Variants in ZMYM1 observed in about 807,000 individuals in gnomAD.
ZMYM1 encodes zinc finger MYM-type containing 1, also known as zinc finger MYM-type protein 1.
In ZMYM1, 39 loss-of-function variants were observed where a neutral mutation model predicts 60.0. That is an observed-to-expected ratio of 0.65 (90% confidence interval 0.50 to 0.85). The LOEUF (loss-of-function observed/expected upper bound fraction) is 0.85, where lower values mean the gene tolerates loss of function less well. ZMYM1 is among the 40% of genes least tolerant of loss of function. The pLI, the probability that ZMYM1 is intolerant of heterozygous loss-of-function variation, is 0.00. For missense variants in ZMYM1, 1,171 were observed against 1,309.5 expected (o/e 0.89, Z 1.63); for synonymous variants, 413 against 454.0 (o/e 0.91, Z 1.15).
At chr1:35,090,095 A>G (rs1294386648) in intron 1 of ZMYM1, among the ~76,000 whole-genome samples, 1 of 151,928 alleles carries the variant, frequency 6.6e-6, no homozygotes, top group East Asian at 1.9e-4. Flanking sequence ...TTTAGTAGAG[A>G]TGGGGTTTCA....
upstream of ZMYM1, among the ~76,000 whole-genome samples, chr1:35,076,378 T>G (rs1557630227): frequency 6.6e-6 from 1 of 152,118 alleles, no homozygotes. Context: ...TCCCAGCACT[T>G]TGGGAGGCTG....
chr1:35,087,756 G>A (rs761536202), intron 1 of ZMYM1, among the ~76,000 whole-genome samples: 74 of 151,822 alleles, frequency 4.9e-4, no homozygotes, highest in Non-Finnish European at 1.0e-3. Context: ...TTGTGATCTC[G>A]TGTTTTACTT....
intron 1 of ZMYM1, among the ~76,000 whole-genome samples, chr1:35,060,615 T>C (rs1038337497): frequency 6.6e-6 from 1 of 152,150 alleles, no homozygotes; most frequent in South Asian, 2.1e-4. Context: ...CTGTGCTGCC[T>C]CCTTCGCCCC....
intron 1 of ZMYM1, among the ~76,000 whole-genome samples, chr1:35,089,446 ATTTAACTTT>A (rs1642864687): frequency 6.6e-6 from 1 of 152,162 alleles, no homozygotes; most frequent in South Asian, 2.1e-4. Flanking sequence ...CTCAGGCCTT[ATTTAACTTT>A]CTGCATTGGG....
At position 35,113,400 on chromosome 1, in the gene ZMYM1, G is replaced by A. The variant is rs1644163756; in HGVS notation, c.1570G>A (p.Glu524Lys). The A allele has an allele frequency of 6.2e-7, 1 of 1,613,688 alleles. No individual in the cohort carries two copies. Among genetic ancestry groups the A allele is most frequent in the Admixed American group, 1.7e-5 (1 of 59,998 alleles). ...EKSEMHLKSLEFWREYQFCDG... is the reference protein window; with the variant it reads ...EKSEMHLKSLKFWREYQFCDG... ...AAGTGAAATGCATTTGAAGTCATTG[G>A]AATTTTGGAGAGAATACCAATTTTG... Residue 524 changes from glutamate to lysine, a missense_variant, in exon 10 of 10, where the codon GAA becomes AAA. Transcript: ENST00000359858.
At chr1:35,106,682 T>C (rs924605822) in intron 6 of ZMYM1, among the ~76,000 whole-genome samples, 1 of 151,704 alleles carries the variant, frequency 6.6e-6, no homozygotes, top group Non-Finnish European at 1.5e-5. Flanking sequence ...AGATCATTTG[T>C]GACTCACATC....
chr1:35,096,726 C>T (rs574969784), intron 3 of ZMYM1, among the ~76,000 whole-genome samples: 7 of 152,090 alleles, frequency 4.6e-5, no homozygotes, highest in Admixed American at 1.3e-4. Flanking sequence ...GACGGAGTCT[C>T]GCTCTCGCTC....
At chr1:35,116,837 T>TTA (rs1644253795), downstream of ZMYM1, among the ~76,000 whole-genome samples, 1 of 121,380 alleles carries the variant, frequency 8.2e-6, no homozygotes, top group Admixed American at 8.3e-5. Flanking sequence ...GGCCTGGAAT[T>TTA]TTTTTTTTTT....
At chr1:35,074,924 G>A (rs1036262681), upstream of ZMYM1, among the ~76,000 whole-genome samples, 22 of 149,894 alleles carry the variant, frequency 1.5e-4, no homozygotes, top group African/African-American at 2.7e-4. Flanking sequence ...GCAGTGGCGC[G>A]ATCTCGGCTC....
intron 1 of ZMYM1, among the ~76,000 whole-genome samples, chr1:35,067,959 T>G (rs1642000771): frequency 1.3e-5 from 2 of 151,894 alleles, no homozygotes; most frequent in Non-Finnish European, 1.5e-5. Flanking sequence ...ATGAAAAAAT[T>G]TTTTAAATTG....
chr1:35,085,001 A>G lies in ZMYM1; in HGVS notation c.-75+5559A>G, dbSNP rs992245203. Among the ~76,000 whole-genome samples, 7 of 151,984 alleles carry G rather than the reference A, an allele frequency of 4.6e-5. No homozygotes were observed. In the East Asian group the frequency reaches 1.3e-3, roughly 29 times the overall value. ...TTCCAGTGAAAGGATTTAGTATGCT[A>G]AAGGCTACTCTGTTATGCCTGGATT... On this transcript the variant is annotated intron_variant, in intron 1 of 9. Transcript: ENST00000359858.
At chr1:35,079,283 A>C (rs1642237763), upstream of ZMYM1, 1 of 152,230 alleles carries the variant, frequency 6.6e-6, no homozygotes, top group South Asian at 2.1e-4. Context: ...TCTATCCCAA[A>C]GTCGCTCTTC....
chr1:35,064,906 A>G (rs1000032360), intron 1 of ZMYM1, among the ~76,000 whole-genome samples: 4 of 151,672 alleles, frequency 2.6e-5, no homozygotes, highest in African/African-American at 9.7e-5. Context: ...CTATCTCCTG[A>G]CCTCGTGATC....
upstream of ZMYM1, among the ~76,000 whole-genome samples, chr1:35,077,625 C>T (rs1052287436): frequency 6.6e-6 from 1 of 152,092 alleles, no homozygotes; most frequent in Non-Finnish European, 1.5e-5. Flanking sequence ...GATAAACAGG[C>T]TCATCTGATC....
chr1:35,089,466 A>G (rs1487805410), intron 1 of ZMYM1, among the ~76,000 whole-genome samples: 1 of 152,074 alleles, frequency 6.6e-6, no homozygotes, highest in Non-Finnish European at 1.5e-5. Context: ...CTGCATTGGG[A>G]TAGGAACTTT....
At position 35,084,409 on chromosome 1, in the gene ZMYM1, C is replaced by T. The variant is rs146964048; in HGVS notation, c.-75+4967C>T. 9.3e-4 allele frequency among the ~76,000 whole-genome samples: 142 copies of T among 152,282 alleles called. 1 individual carries two copies. The highest frequency in any genetic ancestry group is 2.8e-3 in the African/African-American group (117 of 41,556). ...ATTTTGGATGAACATTATTAGCATC[C>T]GGATGTACTTCCTTCAAAGCAGACT... On this transcript the variant is annotated intron_variant, in intron 1 of 9. Coordinates refer to ENST00000359858, the MANE Select transcript of ZMYM1 (RefSeq NM_024772.5).
At chr1:35,099,881 G>A (rs1245575352) in intron 4 of ZMYM1, among the ~76,000 whole-genome samples, 4 of 151,820 alleles carry the variant, frequency 2.6e-5, no homozygotes, top group African/African-American at 9.7e-5. Context: ...TTGTTTGTTT[G>A]TTTGTTTTGT....
chr1:35,074,642 C>T (rs185107457), upstream of ZMYM1, among the ~76,000 whole-genome samples: 86 of 151,812 alleles, frequency 5.7e-4, no homozygotes, highest in East Asian at 3.9e-3. Flanking sequence ...CTCCTGACCT[C>T]GTGATCCACC....
chr1:35,116,752 C>T (rs949449317), downstream of ZMYM1, among the ~76,000 whole-genome samples: 2 of 151,578 alleles, frequency 1.3e-5, no homozygotes, highest in Non-Finnish European at 2.9e-5. Context: ...CCACCACGCC[C>T]AGCCAGAAAA....
Sources: gnomAD v4.1 joint callset for allele counts (sites outside exome capture counted in the v4.1 genomes callset) on GRCh38, gnomAD v4.1.1 for gene constraint, MANE v1.5 for transcripts, NCBI Gene and HGNC (gene_info 2026-07-23, HGNC 2026-07-21) for gene names.